Variants in TTC7A observed in about 807,000 individuals in gnomAD.
TTC7A encodes the protein tetratricopeptide repeat domain 7A, also known as tetratricopeptide repeat protein 7A.
Under a neutral mutation model 103.7 loss-of-function variants are expected in TTC7A, and 110 were observed. The ratio of observed to expected loss-of-function variants is 1.06; its 90% CI spans 0.91 to 1.24. TTC7A has a LOEUF of 1.24. Among genes scored for constraint, TTC7A ranks in the 50% most tolerant of loss-of-function variants. TTC7A has a pLI of 0.00. For synonymous variants in TTC7A, 521 were observed against 467.9 expected (o/e 1.11, Z -1.47); for missense variants, 1,340 against 1,116.3 (o/e 1.20, Z -2.86).
At chr2:46,923,844 T>A (rs1208457448) in intron 2 of TTC7A, among the ~76,000 whole-genome samples, 1 of 152,058 alleles carries the variant, frequency 6.6e-6, no homozygotes, top group Non-Finnish European at 1.5e-5. Context: ...GCAAATCTCT[T>A]GCCTCAGCCT....
intron 11 of TTC7A, among the ~76,000 whole-genome samples, chr2:47,017,695 G>T (rs1027841941): frequency 6.6e-6 from 1 of 152,148 alleles, no homozygotes; most frequent in Non-Finnish European, 1.5e-5. Flanking sequence ...GCCTGCGGAG[G>T]TGCCAACTTA....
intron 19 of TTC7A, among the ~76,000 whole-genome samples, chr2:47,066,625 T>C (rs1684203150): frequency 6.6e-6 from 1 of 152,204 alleles, no homozygotes; most frequent in African/African-American, 2.4e-5. Context: ...CCCTGCGTTA[T>C]GGGGGCGCTT....
At chr2:46,992,218 G>A (rs549198254) in intron 5 of TTC7A, among the ~76,000 whole-genome samples, 14 of 152,246 alleles carry the variant, frequency 9.2e-5, no homozygotes, top group African/African-American at 1.2e-4. Flanking sequence ...CATGTGCTAC[G>A]TGGCAGGAGC....
chr2:46,987,805 C>CGTGT (rs1491245858), intron 5 of TTC7A, among the ~76,000 whole-genome samples: 10 of 102,938 alleles, frequency 9.7e-5, no homozygotes, highest in African/African-American at 3.0e-4. Flanking sequence ...TGTCCCTTTC[C>CGTGT]GCGCGTGTGT....
In TTC7A at chr2:46,989,939, A is replaced by G. The variant is rs190237948; in HGVS notation, c.765-3511A>G. Reference sequence around the variant, plus strand: ...CAAGAGCGTTGATGATGTAAAGGCTAAAGGCTGAGCTCATTTGGCAATGCA... The same window carrying G: ...CAAGAGCGTTGATGATGTAAAGGCTGAAGGCTGAGCTCATTTGGCAATGCA... On this transcript the variant is annotated intron_variant, in intron 5 of 19. Coordinates refer to ENST00000319190, the MANE Select transcript of TTC7A (RefSeq NM_020458.4). 1.2e-4 allele frequency among the ~76,000 whole-genome samples: 18 copies of G among 152,222 alleles called. No individual in the cohort carries two copies. The East Asian group carries it at 3.5e-3, about 29-fold the overall frequency.
intron 1 of TTC7A, among the ~76,000 whole-genome samples, chr2:46,949,858 A>G (rs911240806): frequency 2.0e-5 from 3 of 152,210 alleles, no homozygotes; most frequent in Admixed American, 6.5e-5. Context: ...CTAGGGTGGC[A>G]GAGTGAGACT....
chr2:46,972,032 G>A (rs72806538), intron 3 of TTC7A, among the ~76,000 whole-genome samples: 9,377 of 152,118 alleles, frequency 0.062, 307 homozygotes, highest in Non-Finnish European at 0.072. Flanking sequence ...GCTATTTAAT[G>A]GCACTCATAC....
intron 2 of TTC7A, chr2:46,951,755 A>G: frequency 2.3e-6 from 1 of 432,964 alleles, no homozygotes; most frequent in Non-Finnish European, 4.6e-6. Context: ...ACTTCCTTAA[A>G]CCTTTTATTC....
Position 47,060,775 on chromosome 2 carries a change from T to G in TTC7A, c.2159T>G (p.Leu720Arg). Residue 720 changes from leucine (L) to arginine (R), a missense_variant, in exon 19 of 20, where the codon CTG (leucine) becomes CGG (arginine). Transcript: ENST00000319190. ...LEQIWLQAAELFMEQQHLKEA... is the reference protein window; with the variant it reads ...LEQIWLQAAERFMEQQHLKEA... ...TGCCCTTCTGCTTTTGCAGCTGAGC[T>G]GTTCATGGAGCAGCAGCACCTCAAG... 1 of 1,600,670 alleles carries G rather than the reference T, an allele frequency of 6.2e-7. No individual in the cohort carries two copies.
At chr2:47,022,140 C>T (rs555865935) in intron 12 of TTC7A, among the ~76,000 whole-genome samples, 161 bp downstream of exon 12, 5 of 152,340 alleles carry the variant, frequency 3.3e-5, no homozygotes, top group East Asian at 1.9e-4. Flanking sequence ...CACATACACA[C>T]GTGCATACAC....
intron 12 of TTC7A, among the ~76,000 whole-genome samples, chr2:47,023,120 G>A (rs1164168009): frequency 1.3e-5 from 2 of 152,238 alleles, no homozygotes; most frequent in Non-Finnish European, 2.9e-5. Context: ...CAAGGCTTGG[G>A]CCTCCTGGGT....
intron 11 of TTC7A, among the ~76,000 whole-genome samples, chr2:47,014,249 T>C (rs6544951): frequency 0.59 from 89,833 of 151,994 alleles, 27,216 homozygotes; most frequent in East Asian, 0.93. Context: ...AGCCTACATA[T>C]AGTAGGTGCT....
chr2:46,971,491 G>A lies in TTC7A; in HGVS notation c.518-3482G>A, dbSNP rs184470368. On this transcript the variant is annotated intron_variant, in intron 3 of 19. Coordinates refer to ENST00000319190, the MANE Select transcript of TTC7A (RefSeq NM_020458.4). ...TGAGGCTGGAGAATTGATACCAGGA[G>A]GGCCTGGTGTGGAGCTTCCAGAAGT... Among the ~76,000 whole-genome samples, 706 of 152,202 alleles carry A rather than the reference G, an allele frequency of 4.6e-3. 2 individuals are homozygous for A. The highest frequency in any genetic ancestry group is 5.2e-3 in the Non-Finnish European group (355 of 67,988).
In TTC7A at chr2:47,060,949, G is replaced by A; in HGVS notation, c.2333G>A (p.Gly778Asp). 6.2e-7 allele frequency: 1 copy of A among 1,613,396 alleles called. No homozygotes were observed. The highest frequency in any genetic ancestry group is 8.5e-7 in the Non-Finnish European group (1 of 1,179,710). ...GAGGCGCTCACGGTGAACCCAGATG[G>A]CGTGCGCATCATGCATAGCCTGGTG... ...YKEALTVNPD[G>D]VRIMHSLGLM... is the part of the protein sequence containing the mutation. The change falls in exon 19 of 20, where the codon GGC becomes GAC. Residue 778 changes from glycine (G) to aspartate (D), a missense_variant. By Grantham distance (94) the Gly-to-Asp change is moderately conservative. Transcript: ENST00000319190.
chr2:46,960,822 C>T (rs1022774239), intron 3 of TTC7A, among the ~76,000 whole-genome samples: 10 of 150,910 alleles, frequency 6.6e-5, no homozygotes, highest in African/African-American at 2.5e-4. Context: ...CCAGAGGGTG[C>T]TGGGAGGCAG....
In TTC7A at chr2:46,994,499, T is replaced by C. The variant is rs1273955031; in HGVS notation, c.986T>C (p.Leu329Pro). Reference protein sequence around the residue: ...FATQALRKPHLYEGDNLYCPK... With the variant: ...FATQALRKPHPYEGDNLYCPK... ...ACTCAGGCCCTGCGGAAACCTCACC[T>C]CTATGAAGGAGACAAGTAAGTTCTG... The change falls in exon 7 of 20, where the codon CTC (leucine) becomes CCC (proline). Residue 329 changes from leucine to proline, a missense_variant. Leu to Pro is a moderately conservative substitution (Grantham distance 98). Coordinates refer to ENST00000319190, the MANE Select transcript of TTC7A (RefSeq NM_020458.4). 4 of 1,613,834 alleles carry C rather than the reference T, an allele frequency of 2.5e-6. No individual in the cohort carries two copies. The highest frequency in any genetic ancestry group is 1.7e-6 in the Non-Finnish European group (2 of 1,179,954).
At chr2:46,996,616 G>A (rs7558171) in intron 8 of TTC7A, among the ~76,000 whole-genome samples, 48,559 of 152,026 alleles carry the variant, frequency 0.32, 8,820 homozygotes, top group East Asian at 0.65. Context: ...GAGTTTCTGT[G>A]TAGGGTGTGG....
chr2:47,016,028 C>T (rs916573639), intron 11 of TTC7A, among the ~76,000 whole-genome samples: 1 of 152,120 alleles, frequency 6.6e-6, no homozygotes, highest in East Asian at 1.9e-4. Context: ...AAGAGAGGAA[C>T]GAGGGTGAAG....
At chr2:46,990,908 GGGTT>G (rs548815901) in intron 5 of TTC7A, among the ~76,000 whole-genome samples, 24 of 151,944 alleles carry the variant, frequency 1.6e-4, no homozygotes, top group African/African-American at 5.8e-4. Context: ...CCCACCCCAG[GGGTT>G]GGTTGGTTGG....
Sources: allele counts gnomAD v4.1 joint callset (sites outside exome capture counted in the v4.1 genomes callset), GRCh38; gene constraint gnomAD v4.1.1; transcripts MANE v1.5; gene names NCBI Gene and HGNC (gene_info 2026-07-23, HGNC 2026-07-21).